Variants in HDAC9 observed in about 807,000 individuals in gnomAD.
The protein encoded by HDAC9 is MEF-2 interacting transcription repressor (MITR) protein.
HDAC9 carries 41 observed loss-of-function variants against 139.4 expected under a neutral mutation model. That is an observed-to-expected ratio of 0.29 (90% CI 0.23 to 0.38). The LOEUF is 0.38. Ranked by LOEUF, HDAC9 falls within the 10% of genes least tolerant of loss-of-function variation. HDAC9 has a pLI of 1.00. For missense variants in HDAC9, 1,147 were observed against 1,297.0 expected (o/e 0.88, Z 1.78); for synonymous variants, 517 against 476.2 (o/e 1.09, Z -1.12).
intron 16 of HDAC9, among the ~76,000 whole-genome samples, chr7:18,784,968 TGTGTG>T (rs543015072): frequency 6.6e-6 from 1 of 150,894 alleles, no homozygotes; most frequent in African/African-American, 2.4e-5. Context: ...TGTGTGTGTG[TGTGTG>T]TCTGTGTGTG....
chr7:18,681,593 T>C (rs1414927359), intron 12 of HDAC9, among the ~76,000 whole-genome samples: 1 of 152,076 alleles, frequency 6.6e-6, no homozygotes, highest in Admixed American at 6.6e-5. Context: ...GCAACTTCCA[T>C]GAGTCAAAGT....
intron 1 of HDAC9, among the ~76,000 whole-genome samples, chr7:18,359,241 G>A (rs1432196622): frequency 6.6e-6 from 1 of 152,092 alleles, no homozygotes; most frequent in Non-Finnish European, 1.5e-5. Flanking sequence ...CCAGCAACTT[G>A]GGAGGCTGAG....
intron 1 of HDAC9, among the ~76,000 whole-genome samples, chr7:18,352,857 C>T (rs1782955899): frequency 6.6e-6 from 1 of 151,990 alleles, no homozygotes; most frequent in South Asian, 2.1e-4. Flanking sequence ...CTCTAAAATA[C>T]AAATCTGTAT....
intron 2 of HDAC9, among the ~76,000 whole-genome samples, chr7:18,223,087 T>C (rs996221083): frequency 6.6e-6 from 1 of 152,146 alleles, no homozygotes; most frequent in Non-Finnish European, 1.5e-5. Flanking sequence ...TCTTTGATTA[T>C]TAGTGTAGTT....
intron 2 of HDAC9, among the ~76,000 whole-genome samples, chr7:18,555,643 T>A (rs1818569764): frequency 6.6e-6 from 1 of 152,116 alleles, no homozygotes; most frequent in African/African-American, 2.4e-5. Flanking sequence ...ATCTTAGCAA[T>A]GCTAACATCT....
intron 6 of HDAC9, among the ~76,000 whole-genome samples, chr7:18,621,000 G>A (rs1024960293): frequency 1.3e-5 from 2 of 152,102 alleles, no homozygotes; most frequent in Non-Finnish European, 1.5e-5. Context: ...ACAATGTGTA[G>A]TACACCCAAG....
intron 2 of HDAC9, among the ~76,000 whole-genome samples, chr7:18,178,718 A>G (rs1789158391): frequency 6.6e-6 from 1 of 152,222 alleles, no homozygotes; most frequent in Non-Finnish European, 1.5e-5. Context: ...CATTGATCCA[A>G]CATTCTTTAT....
chr7:18,097,999 G>A (rs1205731187), intron 1 of HDAC9, among the ~76,000 whole-genome samples: 2 of 152,162 alleles, frequency 1.3e-5, no homozygotes, highest in Admixed American at 1.3e-4. Flanking sequence ...TCTGAAAAAT[G>A]TCTGAATATT....
At chr7:18,674,816 A>C (rs979836510) in intron 12 of HDAC9, among the ~76,000 whole-genome samples, 2 of 151,992 alleles carry the variant, frequency 1.3e-5, no homozygotes, top group Non-Finnish European at 2.9e-5. Context: ...GGCTTTAGTA[A>C]AAATAGCTAC....
At chr7:18,220,669 A>G (rs1381690554) in intron 2 of HDAC9, among the ~76,000 whole-genome samples, 1 of 152,206 alleles carries the variant, frequency 6.6e-6, no homozygotes, top group African/African-American at 2.4e-5. Flanking sequence ...ATGGATAGGA[A>G]TGGTCTGATC....
chr7:18,440,271 G>A (rs1791633507), intron 1 of HDAC9, among the ~76,000 whole-genome samples: 1 of 147,150 alleles, frequency 6.8e-6, no homozygotes, highest in Non-Finnish European at 1.5e-5. Context: ...CGCAAACTCC[G>A]CCTCCCAGGT....
At chr7:18,865,516 C>G (rs912219759) in intron 21 of HDAC9, among the ~76,000 whole-genome samples, 1 of 152,100 alleles carries the variant, frequency 6.6e-6, no homozygotes, top group Admixed American at 6.6e-5. Context: ...CCAATTATAC[C>G]TGGTGTGCTT....
chr7:18,355,456 G>T (rs560646512), intron 1 of HDAC9, among the ~76,000 whole-genome samples: 84 of 152,148 alleles, frequency 5.5e-4, no homozygotes, highest in African/African-American at 1.9e-3. Flanking sequence ...AATAATTTAG[G>T]ATTAAAAAAA....
At chr7:18,523,944 T>G (rs916921175) in intron 2 of HDAC9, among the ~76,000 whole-genome samples, 1 of 150,276 alleles carries the variant, frequency 6.7e-6, no homozygotes, top group African/African-American at 2.4e-5. Context: ...GTCTTGCTAT[T>G]CACCTGGACT....
intron 1 of HDAC9, among the ~76,000 whole-genome samples, chr7:18,310,175 T>G (rs1585112224): frequency 6.7e-6 from 1 of 148,778 alleles, no homozygotes; most frequent in Admixed American, 6.7e-5. Context: ...GGGGGTGGGG[T>G]TGGGGGGAAT....
chr7:18,178,380 C>T (rs1171331225), intron 2 of HDAC9, among the ~76,000 whole-genome samples: 3 of 152,194 alleles, frequency 2.0e-5, no homozygotes, highest in Admixed American at 6.5e-5. Context: ...CCACTGCACC[C>T]GGCCCCCCTC....
intron 1 of HDAC9, among the ~76,000 whole-genome samples, chr7:18,126,182 GTAT>G (rs150253000): frequency 0.024 from 3,594 of 152,176 alleles, 147 homozygotes; most frequent in African/African-American, 0.081. Flanking sequence ...CAAGCTTTAT[GTAT>G]TATTATTATT....
intron 13 of HDAC9, among the ~76,000 whole-genome samples, chr7:18,740,402 A>G (rs1051213189): frequency 1.3e-5 from 2 of 152,184 alleles, no homozygotes; most frequent in Non-Finnish European, 2.9e-5. Context: ...CCATTTTGGA[A>G]TGGACCCAAT....
At chr7:18,716,407 T>C (rs887320114) in intron 12 of HDAC9, among the ~76,000 whole-genome samples, 2 of 152,212 alleles carry the variant, frequency 1.3e-5, no homozygotes, top group African/African-American at 4.8e-5. Context: ...GGACTTGTTA[T>C]TTATTTAATT....
Sources: allele counts gnomAD v4.1 joint callset (sites outside exome capture counted in the v4.1 genomes callset), GRCh38; gene constraint gnomAD v4.1.1; transcripts MANE v1.5; gene names NCBI Gene and HGNC (gene_info 2026-07-23, HGNC 2026-07-21).